Variants in RBFOX1 observed in about 807,000 individuals in gnomAD.
RBFOX1 encodes RNA binding fox-1 homolog 1, also known as RNA binding protein fox-1 homolog 1.
A neutral mutation model predicts 57.7 loss-of-function variants in RBFOX1; 8 were observed. The ratio of observed to expected loss-of-function variants is 0.14; its 90% CI spans 0.08 to 0.25. RBFOX1 has a LOEUF of 0.25. Ranked by LOEUF, RBFOX1 falls within the 10% of genes least tolerant of loss-of-function variation. The probability of loss-of-function intolerance (pLI) is 1.00; values close to 1 mark genes in which losing one functional copy is unlikely to be tolerated. For synonymous variants in RBFOX1, 326 were observed against 222.4 expected (o/e 1.47, Z -4.15); for missense variants, 611 against 548.5 (o/e 1.11, Z -1.14).
At chr16:7,317,668 G>A (rs1442792146) in intron 4 of RBFOX1, among the ~76,000 whole-genome samples, 1 of 152,162 alleles carries the variant, frequency 6.6e-6, no homozygotes, top group East Asian at 1.9e-4. Context: ...TCCACCCGCT[G>A]CCTCCAGCCA....
At chr16:5,638,619 TC>T (rs957740657) in intron 3 of RBFOX1, among the ~76,000 whole-genome samples, 11 of 152,104 alleles carry the variant, frequency 7.2e-5, no homozygotes, top group African/African-American at 2.7e-4. Context: ...TTTATTTACA[TC>T]TTGTATTCAT....
intron 10 of RBFOX1, among the ~76,000 whole-genome samples, chr16:7,628,289 C>G (rs181374191): frequency 9.2e-5 from 14 of 152,194 alleles, no homozygotes; most frequent in Admixed American, 4.6e-4. Context: ...TGCTAGGATC[C>G]TATCGTAGAT....
intron 1 of RBFOX1, among the ~76,000 whole-genome samples, chr16:5,447,563 A>C (rs897070615): frequency 6.6e-6 from 1 of 151,416 alleles, no homozygotes; most frequent in Non-Finnish European, 1.5e-5. Flanking sequence ...ACGCCCCCCT[A>C]ATTTTTGTAT....
chr16:7,327,443 G>A (rs562989384), intron 4 of RBFOX1, among the ~76,000 whole-genome samples: 1 of 152,320 alleles, frequency 6.6e-6, no homozygotes, highest in Admixed American at 6.5e-5. Context: ...TGGAAACAAA[G>A]TGAGTGATTG....
At chr16:7,400,622 C>G (rs149506653) in intron 4 of RBFOX1, among the ~76,000 whole-genome samples, 108 of 152,290 alleles carry the variant, frequency 7.1e-4, no homozygotes, top group Admixed American at 1.2e-3. Flanking sequence ...TGCTCCTAAC[C>G]CCTTCCTAAA....
At chr16:6,432,333 C>T (rs943796945) in intron 2 of RBFOX1, among the ~76,000 whole-genome samples, 2 of 152,042 alleles carry the variant, frequency 1.3e-5, no homozygotes, top group African/African-American at 2.4e-5. Context: ...TTATCGTTTA[C>T]ATTATTTTAC....
chr16:7,347,782 G>A (rs553284048), intron 4 of RBFOX1, among the ~76,000 whole-genome samples: 7 of 152,288 alleles, frequency 4.6e-5, no homozygotes, highest in Admixed American at 1.3e-4. Flanking sequence ...AGACCCCCAT[G>A]TATTTGCAGC....
intron 4 of RBFOX1, among the ~76,000 whole-genome samples, chr16:5,903,118 G>C (rs1197354354): frequency 6.6e-6 from 1 of 152,066 alleles, no homozygotes; most frequent in Non-Finnish European, 1.5e-5. Flanking sequence ...GTGTGGGTGT[G>C]GGTGTGTGTA....
chr16:7,684,227 C>G (rs2075564633), intron 14 of RBFOX1, among the ~76,000 whole-genome samples: 1 of 151,996 alleles, frequency 6.6e-6, no homozygotes. Context: ...TTATGGCTTC[C>G]TTGGTGTAAA....
chr16:6,147,428 C>CA (rs904793519), intron 1 of RBFOX1, among the ~76,000 whole-genome samples: 2 of 152,164 alleles, frequency 1.3e-5, no homozygotes, highest in African/African-American at 2.4e-5. Context: ...CATGGTTCTG[C>CA]AAAACTCCTA....
chr16:7,681,063 A>G (rs2074605583), intron 14 of RBFOX1, among the ~76,000 whole-genome samples: 4 of 152,210 alleles, frequency 2.6e-5, no homozygotes, highest in African/African-American at 9.6e-5. Context: ...TAACCTATGA[A>G]TAAAAGGTTC....
intron 1 of RBFOX1, among the ~76,000 whole-genome samples, chr16:6,161,830 A>C (rs1331870510): frequency 6.6e-6 from 1 of 152,184 alleles, no homozygotes; most frequent in Non-Finnish European, 1.5e-5. Flanking sequence ...TCTTTTGTGA[A>C]GCGTCTAGCC....
intron 4 of RBFOX1, among the ~76,000 whole-genome samples, chr16:7,166,749 C>T (rs1193639287): frequency 1.3e-5 from 2 of 151,996 alleles, no homozygotes; most frequent in Non-Finnish European, 2.9e-5. Flanking sequence ...TCAGCAGCAT[C>T]CTTGGATGAG....
chr16:6,621,469 A>T (rs2098230359), intron 2 of RBFOX1, among the ~76,000 whole-genome samples: 1 of 130,210 alleles, frequency 7.7e-6, no homozygotes, highest in South Asian at 2.8e-4. Context: ...GTCTCAAAAC[A>T]AACAAACAAC....
At position 5,344,948 on chromosome 16, in the gene RBFOX1, A is replaced by G. The variant is rs1022675297; in HGVS notation, c.219+104843A>G. Among the ~76,000 whole-genome samples the G allele has an allele frequency of 2.6e-5, 4 of 152,112 alleles. No individual in the cohort carries two copies. In the South Asian group the frequency reaches 8.3e-4, roughly 32 times the overall value. ...ACCAGACATCCAGGTCCCACCTTGT[A>G]AAATTCTTCTTTCCCGCAGTGTCTG... is the stretch of plus-strand genomic sequence containing the variant. On this transcript the variant is annotated intron_variant, in intron 1 of 2. Transcript: ENST00000585867.
intron 3 of RBFOX1, among the ~76,000 whole-genome samples, chr16:6,899,404 A>G (rs529504377): frequency 6.6e-6 from 1 of 152,240 alleles, no homozygotes; most frequent in Non-Finnish European, 1.5e-5. Context: ...CAAAATTTTC[A>G]TGAAGCATGG....
At chr16:6,317,157 C>G (rs1311215137) in intron 2 of RBFOX1, 100 bp downstream of exon 2, 25 of 1,199,516 alleles carry the variant, frequency 2.1e-5, no homozygotes, top group Non-Finnish European at 2.7e-5. Context: ...GAAGTTGTTA[C>G]AAAAACTTTG....
chr16:5,387,361 C>G (rs1469129413), intron 1 of RBFOX1, among the ~76,000 whole-genome samples: 1 of 152,144 alleles, frequency 6.6e-6, no homozygotes, highest in Non-Finnish European at 1.5e-5. Flanking sequence ...TAAATAAGTC[C>G]AGGAGAGGCC....
chr16:6,913,004 C>T (rs959518595), intron 3 of RBFOX1, among the ~76,000 whole-genome samples: 2 of 152,034 alleles, frequency 1.3e-5, no homozygotes, highest in African/African-American at 2.4e-5. Flanking sequence ...GCTTTATATT[C>T]TACTTCCTAT....
Sources: allele counts gnomAD v4.1 joint callset (sites outside exome capture counted in the v4.1 genomes callset), GRCh38; gene constraint gnomAD v4.1.1; transcripts MANE v1.5; gene names NCBI Gene and HGNC (gene_info 2026-07-23, HGNC 2026-07-21).